Variants in RNF43 observed in about 807,000 individuals in gnomAD.
The protein encoded by RNF43 is ring finger protein 43.
A neutral mutation model predicts 78.4 loss-of-function variants in RNF43; 37 were observed. That is an observed-to-expected ratio of 0.47 (90% CI 0.36 to 0.62). The LOEUF is 0.62. Among genes scored for constraint, RNF43 ranks in the 20% least tolerant of loss-of-function variants. The pLI is 0.00. For missense variants in RNF43, 774 were observed against 1,007.9 expected, an observed-to-expected ratio of 0.77 and a Z score of 3.14; for synonymous variants, 347 against 395.0, an observed-to-expected ratio of 0.88 and a Z score of 1.44.
intron 2 of RNF43, among the ~76,000 whole-genome samples, chr17:58,384,109 T>C (rs1394323448): frequency 6.6e-6 from 1 of 152,270 alleles, no homozygotes; most frequent in Admixed American, 6.5e-5. Flanking sequence ...CTTTGTGAAC[T>C]ATGAGCTCTT....
At chr17:58,409,628 C>T (rs1433008830) in intron 2 of RNF43, among the ~76,000 whole-genome samples, 2 of 152,186 alleles carry the variant, frequency 1.3e-5, no homozygotes, top group African/African-American at 2.4e-5. Context: ...CCACCTTAGC[C>T]TCTCACGGTG....
chr17:58,357,601 C>T lies in RNF43; in HGVS notation c.2175G>A (p.Val725=), dbSNP rs1327087478. 6 of 1,613,840 alleles carry T rather than the reference C, an allele frequency of 3.7e-6. No individual in the cohort carries two copies. Among genetic ancestry groups the T allele is most frequent in the Admixed American group, 1.7e-5 (1 of 59,994 alleles). The change falls in exon 9 of 10, where the codon GTG becomes GTA. Residue 725 remains valine (V), a synonymous_variant. Coordinates refer to ENST00000407977, the MANE Select transcript of RNF43 (RefSeq NM_017763.6). The surrounding 1 kb of genome is among the most constrained non-coding windows in gnomAD (Gnocchi z 4.5). ...GCTGGCGAGGAGTCAGGCACAACCA[C>T]ACTGGCTGTGAATTTGAGTAACAGG... ...PGPCYSNSQP[V]WLCLTPRQPL... is the part of the protein sequence containing the mutation.
At chr17:58,387,069 C>A (rs1351191838) in intron 2 of RNF43, among the ~76,000 whole-genome samples, 1 of 152,168 alleles carries the variant, frequency 6.6e-6, no homozygotes, top group Non-Finnish European at 1.5e-5. Flanking sequence ...AAAACGTGAG[C>A]TTTTGGTCTC....
intron 2 of RNF43, among the ~76,000 whole-genome samples, chr17:58,409,128 T>C (rs1205207436): frequency 6.6e-6 from 1 of 152,200 alleles, no homozygotes; most frequent in Non-Finnish European, 1.5e-5. Flanking sequence ...AATTGATTAC[T>C]CTCCTATCTC....
intron 2 of RNF43, among the ~76,000 whole-genome samples, chr17:58,373,809 C>T (rs1036953166): frequency 1.3e-5 from 2 of 152,130 alleles, no homozygotes; most frequent in Non-Finnish European, 2.9e-5. Flanking sequence ...ATCTCCATCT[C>T]CCCACTACCC....
intron 8 of RNF43, among the ~76,000 whole-genome samples, chr17:58,359,927 A>G (rs1369852014): frequency 1.3e-5 from 2 of 152,168 alleles, no homozygotes; most frequent in Non-Finnish European, 2.9e-5. Flanking sequence ...ACTCCGTCTC[A>G]AAAAATAAAA....
intron 2 of RNF43, among the ~76,000 whole-genome samples, chr17:58,393,917 G>T (rs372699814): frequency 1.3e-5 from 2 of 152,150 alleles, no homozygotes; most frequent in African/African-American, 4.8e-5. Context: ...TTAGCCAGGC[G>T]TGGTGGCGGG....
intron 2 of RNF43, among the ~76,000 whole-genome samples, chr17:58,381,048 A>T (rs1973304909): frequency 6.6e-6 from 1 of 152,360 alleles, no homozygotes. Flanking sequence ...CAGTCCCCAG[A>T]TCCTGGGCAG....
At chr17:58,400,749 A>C (rs1973779083) in intron 2 of RNF43, among the ~76,000 whole-genome samples, 1 of 152,210 alleles carries the variant, frequency 6.6e-6, no homozygotes, top group African/African-American at 2.4e-5. Context: ...TTATATATGA[A>C]TCCTGTGCAA....
At chr17:58,361,979 G>A (rs538706699) in intron 6 of RNF43, among the ~76,000 whole-genome samples, 30 of 151,916 alleles carry the variant, frequency 2.0e-4, no homozygotes, top group East Asian at 3.9e-4. Context: ...CCAGCTACTC[G>A]CGAGACTGAG....
At chr17:58,410,698 G>A (rs1974010632) in intron 2 of RNF43, among the ~76,000 whole-genome samples, 1 of 152,162 alleles carries the variant, frequency 6.6e-6, no homozygotes, top group Non-Finnish European at 1.5e-5. Context: ...GAAAGGTGAT[G>A]AAATATGTTA....
intron 3 of RNF43, among the ~76,000 whole-genome samples, chr17:58,370,360 G>A (rs911764671): frequency 4.6e-5 from 7 of 152,098 alleles, no homozygotes; most frequent in Non-Finnish European, 8.8e-5. Flanking sequence ...GCGCCACCAC[G>A]CCTAGTGAAA....
At chr17:58,396,972 T>C (rs1158484706) in intron 2 of RNF43, among the ~76,000 whole-genome samples, 1 of 152,096 alleles carries the variant, frequency 6.6e-6, no homozygotes, top group Non-Finnish European at 1.5e-5. Context: ...TGAGTTCCTT[T>C]GGTTCTGATG....
chr17:58,364,526 G>A (rs761389521), intron 3 of RNF43, among the ~76,000 whole-genome samples: 18 of 152,252 alleles, frequency 1.2e-4, no homozygotes, highest in East Asian at 5.8e-4. Context: ...CGGGGGAGGC[G>A]GGAGGCACAA....
chr17:58,400,811 A>G (rs1973780570), intron 2 of RNF43, among the ~76,000 whole-genome samples: 1 of 152,142 alleles, frequency 6.6e-6, no homozygotes, highest in Non-Finnish European at 1.5e-5. Flanking sequence ...GGTGATAGAA[A>G]TTATGTTCTT....
chr17:58,405,387 C>T (rs1353783237), intron 2 of RNF43, among the ~76,000 whole-genome samples: 1 of 152,060 alleles, frequency 6.6e-6, no homozygotes, highest in Non-Finnish European at 1.5e-5. Context: ...TGTAGTACTT[C>T]TTTCTCTAAC....
At chr17:58,368,110 C>T (rs1215415469) in intron 3 of RNF43, among the ~76,000 whole-genome samples, 1 of 152,206 alleles carries the variant, frequency 6.6e-6, no homozygotes, top group African/African-American at 2.4e-5. Context: ...AGAGCCCCAG[C>T]TCTGTCATTG....
At chr17:58,405,367 G>A (rs920064050) in intron 2 of RNF43, among the ~76,000 whole-genome samples, 12 of 152,112 alleles carry the variant, frequency 7.9e-5, no homozygotes, top group African/African-American at 2.4e-4. Context: ...GTGAGCCACC[G>A]CACCCGGACT....
chr17:58,376,965 C>T (rs1338205983), intron 2 of RNF43, among the ~76,000 whole-genome samples: 1 of 152,144 alleles, frequency 6.6e-6, no homozygotes, highest in Non-Finnish European at 1.5e-5. Flanking sequence ...TTTTATACCC[C>T]CTGTGTAAAG....
Sources: gnomAD v4.1 joint callset for allele counts (sites outside exome capture counted in the v4.1 genomes callset) on GRCh38, gnomAD v4.1.1 for gene constraint, Gnocchi (gnomAD v3.1) non-coding constraint, MANE v1.5 for transcripts, NCBI Gene and HGNC (gene_info 2026-07-23, HGNC 2026-07-21) for gene names.